Variants in ASH1L observed in about 807,000 individuals in gnomAD.
The protein encoded by ASH1L is ASH1 like histone lysine methyltransferase.
Under a neutral mutation model 269.0 loss-of-function variants are expected in ASH1L, and 23 were observed. The observed-to-expected ratio is 0.09, with a 90% CI of 0.06 to 0.12. The LOEUF (loss-of-function observed/expected upper bound fraction) is 0.12, where lower values mean the gene tolerates loss of function less well. ASH1L is among the 10% of genes least tolerant of loss of function. ASH1L has a pLI of 1.00. For missense variants in ASH1L, 2,912 were observed against 3,567.8 expected (o/e 0.82, Z 4.68); for synonymous variants, 1,187 against 1,253.5 (o/e 0.95, Z 1.12).
At chr1:155,434,105 C>T (rs1222654506) in intron 5 of ASH1L, 5 of 1,593,562 alleles carry the variant, frequency 3.1e-6, no homozygotes, top group Admixed American at 1.8e-5. Context: ...CTCAGGGGTA[C>T]CAGTATCCTT....
At chr1:155,424,315 A>T (rs1317139190) in intron 5 of ASH1L, among the ~76,000 whole-genome samples, 1 of 152,172 alleles carries the variant, frequency 6.6e-6, no homozygotes, top group Non-Finnish European at 1.5e-5. Flanking sequence ...GATTAGTGTC[A>T]TATGGCTTTG....
chr1:155,392,840 G>A (rs997375802), intron 7 of ASH1L, among the ~76,000 whole-genome samples: 3 of 150,684 alleles, frequency 2.0e-5, no homozygotes, highest in African/African-American at 4.9e-5. Context: ...AGAATTCCTC[G>A]TCTTTTTTTT....
At position 155,342,010 on chromosome 1, in the gene ASH1L, G is replaced by A. The variant is rs1298178532; in HGVS notation, c.8386C>T (p.Arg2796Cys). Residue 2796 changes from arginine to cysteine, a missense_variant, in exon 25 of 28, where the codon CGC (arginine) becomes TGC (cysteine). Coordinates refer to ENST00000392403, the MANE Select transcript of ASH1L (RefSeq NM_018489.3). ...TAGGGTTTGGTGCAGACAGGATAGCGGTTCCGGTGGATCTTGTAAAACAGG... is the reference window on the plus strand; with the variant it reads ...TAGGGTTTGGTGCAGACAGGATAGCAGTTCCGGTGGATCTTGTAAAACAGG... The part of the protein sequence containing the change: ...AHLFYKIHRN[R>C]YPVCTKPYAF... The A allele has an allele frequency of 8.1e-6, 13 of 1,613,968 alleles. No homozygotes were observed. Among genetic ancestry groups the A allele is most frequent in the South Asian group, 1.1e-5 (1 of 91,078 alleles).
rs1165557314 is a variant in ASH1L, at chr1:155,541,369, A to AATT, written c.-99-19752_-99-19751insAAT. On this transcript the variant is annotated intron_variant, in intron 1 of 27. Transcript: ENST00000392403. Reference sequence around the variant, plus strand: ...ATTTTTCAGTTTCTATAATTTAAAAAATAAGCACTATATACACCATGTAAT... The same window carrying AATT: ...ATTTTTCAGTTTCTATAATTTAAAAAATTATAAGCACTATATACACCATGTAAT... 1.0e-3 allele frequency among the ~76,000 whole-genome samples: 152 copies of AATT among 152,210 alleles called. 1 individual carries two copies. The highest frequency in any genetic ancestry group is 3.5e-3 in the African/African-American group (146 of 41,572).
chr1:155,421,920 C>G (rs1660716663), intron 5 of ASH1L, among the ~76,000 whole-genome samples: 1 of 152,074 alleles, frequency 6.6e-6, no homozygotes, highest in South Asian at 2.1e-4. Flanking sequence ...AAAGTACATT[C>G]ACATTGTTGT....
chr1:155,561,971 C>A (rs1672005723), intron 1 of ASH1L, 182 bp downstream of exon 1: 1 of 542,222 alleles, frequency 1.8e-6, no homozygotes, highest in Non-Finnish European at 3.3e-6. Flanking sequence ...ACCCCTTCAC[C>A]CCGCCTGGAG....
intron 2 of ASH1L, among the ~76,000 whole-genome samples, chr1:155,512,701 C>T (rs1668242506): frequency 6.6e-6 from 1 of 151,636 alleles, no homozygotes; most frequent in African/African-American, 2.4e-5. Flanking sequence ...ATCCACCCGC[C>T]TCGGCCTCCC....
chr1:155,519,447 T>C (rs1355620645), intron 2 of ASH1L, among the ~76,000 whole-genome samples: 1 of 151,288 alleles, frequency 6.6e-6, no homozygotes, highest in Non-Finnish European at 1.5e-5. Flanking sequence ...AAAAAATAAA[T>C]AAATAAATAA....
chr1:155,399,452 G>A (rs1658646362), intron 6 of ASH1L, among the ~76,000 whole-genome samples: 1 of 152,144 alleles, frequency 6.6e-6, no homozygotes, highest in South Asian at 2.1e-4. Flanking sequence ...AGACCAGACT[G>A]GCTAACATGG....
intron 4 of ASH1L, among the ~76,000 whole-genome samples, chr1:155,442,338 A>G (rs1662653728): frequency 6.6e-6 from 1 of 151,956 alleles, no homozygotes; most frequent in Admixed American, 6.6e-5. Flanking sequence ...CTGTAATCCC[A>G]GCACTTTGGG....
intron 12 of ASH1L, among the ~76,000 whole-genome samples, chr1:155,362,262 C>G (rs1025765295): frequency 7.2e-5 from 11 of 151,944 alleles, no homozygotes; most frequent in Non-Finnish European, 2.9e-5. Context: ...TCTCAATCTC[C>G]TGAGCTCGTG....
At chr1:155,411,605 ATATATATATATATG>A (rs1317236507) in intron 6 of ASH1L, among the ~76,000 whole-genome samples, 5 of 104,814 alleles carry the variant, frequency 4.8e-5, no homozygotes, top group African/African-American at 1.7e-4. Flanking sequence ...ATATATATAT[ATATATATATATATG>A]TTTTCATCCA....
rs138655720 is a variant in ASH1L at position 155,505,670 on chromosome 1, T to C, written c.420+15430A>G. Among the ~76,000 whole-genome samples, 461 of 152,254 alleles carry C rather than the reference T, an allele frequency of 3.0e-3. 3 individuals are homozygous for C. The highest frequency in any genetic ancestry group is 0.01 in the African/African-American group (426 of 41,546). On this transcript the variant is annotated intron_variant, in intron 2 of 27. Transcript: ENST00000392403. ...GTAACTCTGTATACACTTAACATAC[T>C]GAATATACTAAAAACACTGAACTGT...
chr1:155,543,489 C>A (rs1167727503), intron 1 of ASH1L, among the ~76,000 whole-genome samples: 1 of 117,586 alleles, frequency 8.5e-6, no homozygotes, highest in African/African-American at 3.2e-5. Context: ...CAGCCTGCAT[C>A]ACAGAGTGAG....
At chr1:155,519,445 A>C (rs1217577772) in intron 2 of ASH1L, among the ~76,000 whole-genome samples, 1 of 152,104 alleles carries the variant, frequency 6.6e-6, no homozygotes, top group African/African-American at 2.4e-5. Flanking sequence ...TCAAAAAATA[A>C]ATAAATAAAT....
intron 2 of ASH1L, among the ~76,000 whole-genome samples, chr1:155,494,796 A>T (rs1466247450): frequency 6.6e-6 from 1 of 152,208 alleles, no homozygotes; most frequent in East Asian, 1.9e-4. Flanking sequence ...CAGCATATTG[A>T]CATTTAAAAG....
Position 155,521,437 on chromosome 1 carries a change from G to C in ASH1L, c.83C>G (p.Thr28Ser), listed in dbSNP as rs1428513096. The C allele has an allele frequency of 1.2e-6, 2 of 1,613,796 alleles. No homozygotes were observed. Among genetic ancestry groups the C allele is most frequent in the Non-Finnish European group, 8.5e-7 (1 of 1,179,830 alleles). Residue 28 changes from threonine to serine, a missense_variant, in exon 2 of 28, where the codon ACT becomes AGT. Around this residue, in one of 13 missense-constraint regions of ASH1L, gnomAD observed 115 missense variants for 101.5 expected, o/e 1.13. Transcript: ENST00000392403. ...TTCTCTCTTACTGACCAATGTGCCAGTACTGATGGCAGAAGGACTCTTTCT... is the reference window on the plus strand; with the variant it reads ...TTCTCTCTTACTGACCAATGTGCCACTACTGATGGCAGAAGGACTCTTTCT... ...FSRKSPSAISTGTLVSKREVE... is the reference protein window; with the variant it reads ...FSRKSPSAISSGTLVSKREVE...
intron 1 of ASH1L, among the ~76,000 whole-genome samples, chr1:155,550,113 C>G (rs960096741): frequency 6.6e-6 from 1 of 151,480 alleles, no homozygotes; most frequent in African/African-American, 2.4e-5. Context: ...CTCCACCTCC[C>G]GAGTTCAAGC....
chr1:155,378,350 G>C lies in ASH1L; in HGVS notation c.6263C>G (p.Ala2088Gly), dbSNP rs769953401. 7 of 1,614,186 alleles carry C rather than the reference G, an allele frequency of 4.3e-6. No homozygotes were observed. The South Asian group carries it at 7.7e-5, about 18-fold the overall frequency. The change falls in exon 10 of 28, where the codon GCT becomes GGT. Residue 2088 changes from alanine (A) to glycine (G), a missense_variant. By Grantham distance (60) the Ala-to-Gly change is moderately conservative. Transcript: ENST00000392403. The part of the protein sequence containing the change: ...VDVKPLSGYE[A>G]TTCNCKKPDD... The stretch of plus-strand genomic sequence containing the variant: ...TGGCTTCTTACAGTTACAGGTGGTA[G>C]CTTCGTAACCAGAAAGGGGTTTGAC...
Sources: gnomAD v4.1 joint callset for allele counts (sites outside exome capture counted in the v4.1 genomes callset) on GRCh38, gnomAD v4.1.1 for gene constraint, gnomAD v4.1.1 regional missense constraint, MANE v1.5 for transcripts, NCBI Gene and HGNC (gene_info 2026-07-23, HGNC 2026-07-21) for gene names.